The following MDM1 variants were observed in gnomAD, a reference collection of about 807,000 sequenced individuals.
MDM1 encodes stabilizer of axonemal microtubules 6.
In MDM1, 61 loss-of-function variants were observed where a neutral mutation model predicts 89.1. The ratio of observed to expected loss-of-function variants is 0.68; its 90% confidence interval spans 0.56 to 0.85. The LOEUF is 0.85. MDM1 is among the 40% of genes least tolerant of loss of function. The pLI is 0.00. For synonymous variants in MDM1, 290 were observed against 294.1 expected (o/e 0.99, Z 0.14); for missense variants, 820 against 846.5 (o/e 0.97, Z 0.39).
Position 68,321,602 on chromosome 12 carries a change from TTTTAAA to T in MDM1, c.822_827del (p.Lys276_Leu277del). On this transcript the variant is annotated inframe_deletion, in exon 6 of 15. Transcript: ENST00000682720. ...CTTTTAATTCCATCTCTGCTTCCAA[TTTTAAA>T]CGATCGTCTATTTTATTACTCTGAA... is the stretch of plus-strand genomic sequence containing the variant. 1.9e-6 allele frequency: 3 copies of T among 1,611,882 alleles called. No homozygotes were observed. The highest frequency in any genetic ancestry group is 2.5e-6 in the Non-Finnish European group (3 of 1,179,202).
chr12:68,326,690 A>G lies in MDM1; in HGVS notation c.465T>C (p.Ser155=), dbSNP rs536897124. 2.9e-4 allele frequency: 463 copies of G among 1,614,214 alleles called. 10 individuals carry two copies. The South Asian group carries it at 4.8e-3, about 17-fold the overall frequency. The change falls in exon 3 of 15, where the codon TCT becomes TCC. Residue 155 remains serine (S), a synonymous_variant. Coordinates refer to ENST00000682720, the MANE Select transcript of MDM1 (RefSeq NM_001354969.2). ...PVNENVELEH[S]TKVLSENVDN... ...CTACATTTTCTGAAAGAACCTTGGT[A>G]GAATGTTCCAGTTCCACATTTTCAT...
intron 3 of MDM1, 29 bp downstream of exon 3, chr12:68,326,628 T>C (rs1240091143): frequency 2.2e-5 from 36 of 1,614,020 alleles, no homozygotes; most frequent in Non-Finnish European, 3.1e-5. Context: ...TTCTATGCTT[T>C]TGAAAAGAAA....
chr12:68,326,540 T>G, intron 3 of MDM1, 117 bp downstream of exon 3: 2 of 1,605,606 alleles, frequency 1.2e-6, no homozygotes, highest in African/African-American at 2.7e-5. Flanking sequence ...TTATAGACAT[T>G]AGACAAGAAA....
intron 12 of MDM1, among the ~76,000 whole-genome samples, chr12:68,307,350 A>G (rs1331584661): frequency 6.6e-6 from 1 of 152,238 alleles, no homozygotes; most frequent in African/African-American, 2.4e-5. Flanking sequence ...AATAAAATTC[A>G]GGCTGGGCAC....
chr12:68,303,260 CCTTA>C (rs1311622280), intron 12 of MDM1, among the ~76,000 whole-genome samples: 6 of 152,142 alleles, frequency 3.9e-5, no homozygotes, highest in South Asian at 4.1e-4. Flanking sequence ...ACGTATTCTT[CCTTA>C]CTAATGATCA....
chr12:68,325,396 G>A, intron 4 of MDM1, 45 bp downstream of exon 4: 1 of 1,433,850 alleles, frequency 7.0e-7, no homozygotes, highest in Admixed American at 2.6e-5. Context: ...TACATTACTA[G>A]ATAAGATAAT....
In MDM1 at chr12:68,313,715, A is replaced by G. The variant is rs73334528; in HGVS notation, c.1568T>C (p.Leu523Pro). 2 of 1,614,076 alleles carry G rather than the reference A, an allele frequency of 1.2e-6. No individual in the cohort carries two copies. The highest frequency in any genetic ancestry group is 2.7e-5 in the African/African-American group (2 of 74,936). The change falls in exon 11 of 15, where the codon CTT becomes CCT. Residue 523 changes from leucine (L) to proline (P), a missense_variant. Transcript: ENST00000682720. ...SSVSSEKGGRLPTPKLRELGG... is the reference protein window; with the variant it reads ...SSVSSEKGGRPPTPKLRELGG... ...AAGTTCTCTCAGCTTGGGAGTAGGA[A>G]GCCGGCCTCCTTTTTCTGAGGATAC...
intron 12 of MDM1, among the ~76,000 whole-genome samples, chr12:68,307,169 CA>C (rs1873010067): frequency 6.6e-6 from 1 of 152,096 alleles, no homozygotes; most frequent in South Asian, 2.1e-4. Context: ...AAGATGGAAA[CA>C]GACACCAGCA....
chr12:68,297,161 T>C (rs922549771), intron 13 of MDM1, among the ~76,000 whole-genome samples, 179 bp from the exon 14 acceptor site: 2 of 152,184 alleles, frequency 1.3e-5, no homozygotes, highest in African/African-American at 4.8e-5. Context: ...TATATCTTAA[T>C]AGAAATTACC....
At chr12:68,329,337 C>T (rs1876459281) in intron 2 of MDM1, among the ~76,000 whole-genome samples, 1 of 152,154 alleles carries the variant, frequency 6.6e-6, no homozygotes, top group Admixed American at 6.5e-5. Flanking sequence ...GTTCTCTAGA[C>T]CAAATTCTGA....
intron 9 of MDM1, 144 bp downstream of exon 9, chr12:68,315,934 G>T: frequency 1.7e-6 from 1 of 602,792 alleles, no homozygotes; most frequent in Non-Finnish European, 2.7e-6. Context: ...ATTTTTCACT[G>T]AGAATAAAAA....
chr12:68,296,396 G>A (rs1871393141), intron 14 of MDM1, among the ~76,000 whole-genome samples: 1 of 152,334 alleles, frequency 6.6e-6, no homozygotes, highest in African/African-American at 2.4e-5. Flanking sequence ...TATTTGGGAG[G>A]CTGAGGCAGG....
chr12:68,300,864 CT>C (rs1407366576), intron 13 of MDM1, among the ~76,000 whole-genome samples: 3 of 152,152 alleles, frequency 2.0e-5, no homozygotes, highest in Non-Finnish European at 4.4e-5. Flanking sequence ...AATATACATT[CT>C]TCTCATCATT....
chr12:68,297,095 C>A, intron 13 of MDM1, 113 bp from the exon 14 acceptor site: 2 of 565,078 alleles, frequency 3.5e-6, no homozygotes, highest in South Asian at 3.6e-5. Context: ...TATTAATTAT[C>A]AAACCTACAT....
rs958780121 is a variant in MDM1 at position 68,295,114 on chromosome 12, C to T, written c.*140G>A. On this transcript the variant is annotated 3_prime_UTR_variant, in exon 15 of 15. Coordinates refer to ENST00000682720, the MANE Select transcript of MDM1 (RefSeq NM_001354969.2). ...TGTATAAGCCTATGTTAACAATTTCCAAGTAAACTGTTCTATTGGAAATTA... is the reference window on the plus strand; with the variant it reads ...TGTATAAGCCTATGTTAACAATTTCTAAGTAAACTGTTCTATTGGAAATTA... 6 of 533,850 alleles carry T rather than the reference C, an allele frequency of 1.1e-5. No homozygotes were observed. The African/African-American group carries it at 1.2e-4, about 10-fold the overall frequency. The allele number at this position is 533,850 out of a possible 1,614,324, so 33.1% of individuals were successfully genotyped here. A position where few individuals can be genotyped will look rare whatever the true frequency, so the allele number is the denominator to read the frequency against.
chr12:68,313,854 G>C (rs1874065908), intron 10 of MDM1, 101 bp from the exon 11 acceptor site: 5 of 1,057,646 alleles, frequency 4.7e-6, no homozygotes. Context: ...TATAAAACTT[G>C]TAAGAGGCCA....
chr12:68,302,881 CAA>C lies in MDM1; in HGVS notation c.1750-11_1750-10del, dbSNP rs35426557. ...ACAGCACGACTTTCTTTCTAAATGA[CAA>C]AAAAAAAAAAAAAAAAAAGATGCCT... On this transcript the variant is annotated splice_polypyrimidine_tract_variant and intron_variant, in intron 12 of 14. Transcript: ENST00000682720. 85,885 of 1,071,982 alleles carry C rather than the reference CAA, an allele frequency of 0.08. 3 individuals carry two copies. Among genetic ancestry groups the C allele is most frequent in the Middle Eastern group, 0.11 (343 of 3,104 alleles). 66.4% of individuals were successfully genotyped at this position (1,071,982 alleles called of 1,614,324 possible).
In MDM1 at chr12:68,326,802, C is replaced by A; in HGVS notation, c.353G>T (p.Arg118Ile). ...HSLEASRVPK[R>I]TRSHSADSRA... ...GGAGTCTGCAGAGTGAGATCTGGTT[C>A]TTTTGGGAACCCTGGAAGCTTCTAG... Residue 118 changes from arginine (R) to isoleucine (I), a missense_variant, in exon 3 of 15, where the codon AGA becomes ATA. Coordinates refer to ENST00000682720, the MANE Select transcript of MDM1 (RefSeq NM_001354969.2). The A allele has an allele frequency of 6.2e-7, 1 of 1,613,998 alleles. No individual in the cohort carries two copies. The highest frequency in any genetic ancestry group is 8.5e-7 in the Non-Finnish European group (1 of 1,179,952).
intron 7 of MDM1, among the ~76,000 whole-genome samples, chr12:68,319,252 A>C (rs1336967969): frequency 2.0e-5 from 3 of 152,236 alleles, no homozygotes; most frequent in African/African-American, 7.2e-5. Context: ...ATACACAACC[A>C]CTGGGCAAAT....
Sources: gnomAD v4.1 joint callset for allele counts (sites outside exome capture counted in the v4.1 genomes callset) on GRCh38, gnomAD v4.1.1 for gene constraint, MANE v1.5 for transcripts, NCBI Gene and HGNC (gene_info 2026-07-23, HGNC 2026-07-21) for gene names.